The following DYNC2I1 variants were observed in gnomAD, a reference collection of about 807,000 sequenced individuals.
DYNC2I1 encodes the protein dynein 2 intermediate chain 1, also known as cytoplasmic dynein 2 intermediate chain 1.
In DYNC2I1, 89 loss-of-function variants were observed where a neutral mutation model predicts 133.4. The ratio of observed to expected loss-of-function variants is 0.67; its 90% CI spans 0.56 to 0.80. DYNC2I1 has a LOEUF of 0.80. Ranked by LOEUF, DYNC2I1 falls within the 30% of genes least tolerant of loss-of-function variation. The pLI is 0.00. For synonymous variants in DYNC2I1, 504 were observed against 484.3 expected, an observed-to-expected ratio of 1.04 and a Z score of -0.54; for missense variants, 1,291 against 1,314.5, an observed-to-expected ratio of 0.98 and a Z score of 0.28.
chr7:158,928,184 A>G (rs1326644750), intron 20 of DYNC2I1, among the ~76,000 whole-genome samples: 2 of 152,150 alleles, frequency 1.3e-5, no homozygotes, highest in Admixed American at 6.5e-5. Context: ...GATGCTATGG[A>G]GTACGATTTT....
intron 16 of DYNC2I1, among the ~76,000 whole-genome samples, chr7:158,923,041 G>A (rs754573163): frequency 5.9e-5 from 9 of 152,138 alleles, no homozygotes; most frequent in Admixed American, 2.0e-4. Flanking sequence ...CCCATTCACC[G>A]CCCAGGAGGC....
chr7:158,897,003 A>C (rs1196343034), intron 8 of DYNC2I1, among the ~76,000 whole-genome samples: 1 of 116,426 alleles, frequency 8.6e-6, no homozygotes. Flanking sequence ...TTTTTTTTTG[A>C]GACAGAGTCT....
Position 158,945,762 on chromosome 7 carries a change from G to A in DYNC2I1, c.3184G>A (p.Gly1062Arg). The stretch of plus-strand genomic sequence containing the variant: ...TTTGCAGGAAGCCCTGTGGCCAGAG[G>A]GAAAACTGCACAAGTAGCGGGTGTG... ...LLLQEALWPE[G>R]KLHK Residue 1062 changes from glycine to arginine, a missense_variant, in exon 25 of 25, where the codon GGA becomes AGA. Gly to Arg is a moderately radical substitution (Grantham distance 125). Coordinates refer to ENST00000407559, the MANE Select transcript of DYNC2I1 (RefSeq NM_018051.5). This position sits in a 1 kb window ranked among gnomAD's most constrained non-coding sequence, Gnocchi z 4.1. 3 of 1,574,902 alleles carry A rather than the reference G, an allele frequency of 1.9e-6. No individual in the cohort carries two copies. The South Asian group carries it at 3.5e-5, about 18-fold the overall frequency.
At chr7:158,919,664 C>T (rs1440289066) in intron 15 of DYNC2I1, among the ~76,000 whole-genome samples, 3 of 152,230 alleles carry the variant, frequency 2.0e-5, no homozygotes, top group African/African-American at 7.2e-5. Context: ...TTCTTCCGTC[C>T]TGCCTGCTAT....
At chr7:158,854,558 G>A (rs181083510), upstream of DYNC2I1, among the ~76,000 whole-genome samples, 767 of 152,206 alleles carry the variant, frequency 5.0e-3, 7 homozygotes, top group African/African-American at 0.018. Flanking sequence ...GGGTTGATGG[G>A]TGTCGCAAAC....
chr7:158,894,859 G>A (rs1345260596), intron 8 of DYNC2I1, among the ~76,000 whole-genome samples: 4 of 144,724 alleles, frequency 2.8e-5, no homozygotes, highest in Middle Eastern at 6.9e-3. Flanking sequence ...ATTCGGTGTT[G>A]TTGGTGTTCT....
At chr7:158,882,565 A>G (rs536084337) in intron 5 of DYNC2I1, among the ~76,000 whole-genome samples, 1 of 152,200 alleles carries the variant, frequency 6.6e-6, no homozygotes, top group African/African-American at 2.4e-5. Context: ...CCTGCGTGGT[A>G]CAGTAAGACC....
intron 15 of DYNC2I1, among the ~76,000 whole-genome samples, chr7:158,920,612 T>G (rs181663705): frequency 2.7e-5 from 4 of 149,436 alleles, no homozygotes; most frequent in South Asian, 2.1e-4. Flanking sequence ...TACTGCAGTG[T>G]GTGGCCTCCG....
intron 8 of DYNC2I1, among the ~76,000 whole-genome samples, chr7:158,894,970 T>G (rs1233648096): frequency 6.6e-6 from 1 of 152,202 alleles, no homozygotes; most frequent in African/African-American, 2.4e-5. Context: ...ATATCTTGTT[T>G]AGTGGAGTGG....
intron 18 of DYNC2I1, 39 bp from the exon 19 acceptor site, chr7:158,926,363 T>A (rs1462257162): frequency 6.2e-7 from 1 of 1,603,390 alleles, no homozygotes; most frequent in Admixed American, 1.7e-5. Flanking sequence ...GTTTCCTTAT[T>A]TAAAGCCATT....
chr7:158,882,997 T>C (rs1466113358), intron 5 of DYNC2I1, among the ~76,000 whole-genome samples: 9 of 152,160 alleles, frequency 5.9e-5, no homozygotes, highest in Non-Finnish European at 1.2e-4. Context: ...TTCAAAACTT[T>C]TGAGTACTTT....
intron 23 of DYNC2I1, 43 bp downstream of exon 23, chr7:158,934,592 G>GT: frequency 1.3e-6 from 2 of 1,539,188 alleles, no homozygotes; most frequent in Non-Finnish European, 1.8e-6. Flanking sequence ...TTCTTTTTTT[G>GT]TTTTTTGAGA....
At chr7:158,880,010 T>C in intron 5 of DYNC2I1, 21 bp downstream of exon 5, 1 of 1,562,582 alleles carries the variant, frequency 6.4e-7, no homozygotes, top group African/African-American at 1.4e-5. Flanking sequence ...TGATGCTTCG[T>C]TGCCTTAGCA....
downstream of DYNC2I1, among the ~76,000 whole-genome samples, chr7:158,949,454 G>A (rs1585274853): frequency 6.6e-6 from 1 of 152,216 alleles, no homozygotes; most frequent in Non-Finnish European, 1.5e-5. Flanking sequence ...GGTGCACCCG[G>A]CCCTGTCCCC....
rs569358754 is a variant in DYNC2I1 at position 158,870,177 on chromosome 7, G to A, written c.69+269G>A. On this transcript the variant is annotated intron_variant, in intron 2 of 24. Transcript: ENST00000407559. ...GCAGGGAGTGCTCACTTCAGGGGCC[G>A]CAGCGGTGGGTGGGGAGAGGGGCTT... is the stretch of plus-strand genomic sequence containing the variant. Among the ~76,000 whole-genome samples the A allele has an allele frequency of 3.9e-5, 6 of 152,296 alleles. No homozygotes were observed. The East Asian group carries it at 7.7e-4, about 20-fold the overall frequency.
At chr7:158,907,297 T>C (rs1309557962) in intron 11 of DYNC2I1, among the ~76,000 whole-genome samples, 1 of 141,896 alleles carries the variant, frequency 7.0e-6, no homozygotes, top group Non-Finnish European at 1.6e-5. Flanking sequence ...TTTTTTTTTT[T>C]TAAACCTGAT....
intron 8 of DYNC2I1, among the ~76,000 whole-genome samples, chr7:158,892,183 C>A (rs1845292808): frequency 6.6e-6 from 1 of 152,192 alleles, no homozygotes; most frequent in Non-Finnish European, 1.5e-5. Flanking sequence ...GTTTCAAAAT[C>A]CTGGCCAGAC....
the DYNC2I1 span, among the ~76,000 whole-genome samples, chr7:158,845,888 G>T: frequency 0.059 from 8,929 of 152,144 alleles, 312 homozygotes; most frequent in South Asian, 0.095. Flanking sequence ...AAAAATTATA[G>T]AAAAACATTT....
intron 1 of DYNC2I1, among the ~76,000 whole-genome samples, chr7:158,864,349 G>C (rs1842212972): frequency 6.6e-6 from 1 of 151,972 alleles, no homozygotes; most frequent in East Asian, 2.0e-4. Context: ...CGGTGTCTCT[G>C]TCATGTGGGG....
Sources: gnomAD v4.1 joint callset for allele counts (sites outside exome capture counted in the v4.1 genomes callset) on GRCh38, gnomAD v4.1.1 for gene constraint, Gnocchi (gnomAD v3.1) non-coding constraint, MANE v1.5 for transcripts, NCBI Gene and HGNC (gene_info 2026-07-23, HGNC 2026-07-21) for gene names.